Variants in PEX13 observed in about 807,000 individuals in gnomAD.
The protein encoded by PEX13 is peroxisome biogenesis factor 13.
A neutral mutation model predicts 34.5 loss-of-function variants in PEX13; 28 were observed. The observed-to-expected ratio is 0.81, with a 90% CI of 0.60 to 1.11. PEX13 has a LOEUF of 1.11. PEX13 is among the 50% of genes most tolerant of loss of function. The probability of loss-of-function intolerance (pLI) is 0.00; values close to 1 mark genes in which losing one functional copy is unlikely to be tolerated. For synonymous variants in PEX13, 177 were observed against 175.1 expected (o/e 1.01, Z -0.09); for missense variants, 550 against 491.0 (o/e 1.12, Z -1.13).
intron 1 of PEX13, among the ~76,000 whole-genome samples, chr2:61,030,053 G>A (rs1261057926): frequency 6.6e-6 from 1 of 152,098 alleles, no homozygotes; most frequent in Non-Finnish European, 1.5e-5. Flanking sequence ...GTATCTGAAG[G>A]AGATTTTGAA....
chr2:61,041,110 C>A (rs2104809770), intron 2 of PEX13, among the ~76,000 whole-genome samples: 1 of 152,218 alleles, frequency 6.6e-6, no homozygotes, highest in South Asian at 2.1e-4. Flanking sequence ...TGGCAAATCG[C>A]TTGAGCCCAG....
chr2:61,019,466 C>A (rs538136321), intron 1 of PEX13, among the ~76,000 whole-genome samples: 1 of 151,952 alleles, frequency 6.6e-6, no homozygotes, highest in South Asian at 2.1e-4. Flanking sequence ...ATTGTTTATG[C>A]TTTTTGTCTT....
intron 2 of PEX13, among the ~76,000 whole-genome samples, chr2:61,039,237 A>T (rs1391550475): frequency 6.6e-6 from 1 of 152,200 alleles, no homozygotes; most frequent in Admixed American, 6.5e-5. Context: ...AGAATTGGAA[A>T]AAACTACTTT....
chr2:61,044,766 A>G (rs1479677949), intron 2 of PEX13, among the ~76,000 whole-genome samples: 1 of 152,218 alleles, frequency 6.6e-6, no homozygotes, highest in Non-Finnish European at 1.5e-5. Flanking sequence ...TAAAGTTTTG[A>G]CAACACCTAA....
Position 61,025,236 on chromosome 2 carries a change from T to C in PEX13, c.93-6183T>C, listed in dbSNP as rs534182768. On this transcript the variant is annotated intron_variant, in intron 1 of 3. Coordinates refer to ENST00000295030, the MANE Select transcript of PEX13 (RefSeq NM_002618.4). Reference sequence around the variant, plus strand: ...GGCACCTGCCACTGCACCCAGCTAATTTTTTATAGTTTTTAATAGAGACGG... The same window carrying C: ...GGCACCTGCCACTGCACCCAGCTAACTTTTTATAGTTTTTAATAGAGACGG... Among the ~76,000 whole-genome samples, 86 of 152,026 alleles carry C rather than the reference T, an allele frequency of 5.7e-4. No individual in the cohort carries two copies. The South Asian group carries it at 6.0e-3, about 11-fold the overall frequency.
chr2:61,023,971 A>AT (rs1680310148), intron 1 of PEX13, among the ~76,000 whole-genome samples: 1 of 151,738 alleles, frequency 6.6e-6, no homozygotes, highest in African/African-American at 2.4e-5. Context: ...TAATTTTTGT[A>AT]TTTTTTGTAG....
intron 2 of PEX13, among the ~76,000 whole-genome samples, chr2:61,040,407 TA>T (rs1294985241): frequency 5.9e-5 from 9 of 151,898 alleles, no homozygotes; most frequent in South Asian, 2.1e-4. Context: ...TATGCAGCCA[TA>T]AAAAAAGATG....
chr2:61,033,479 A>C (rs1414308621), intron 2 of PEX13, among the ~76,000 whole-genome samples: 1 of 152,256 alleles, frequency 6.6e-6, no homozygotes. Flanking sequence ...TACATACCAA[A>C]GAATTCTCAG....
chr2:61,036,830 C>G (rs1195623301), intron 2 of PEX13, among the ~76,000 whole-genome samples: 3 of 152,122 alleles, frequency 2.0e-5, no homozygotes, highest in African/African-American at 7.2e-5. Flanking sequence ...AAGACACAGA[C>G]TGGCAAATTG....
chr2:61,031,095 G>A (rs991839940), intron 1 of PEX13, among the ~76,000 whole-genome samples: 1 of 152,144 alleles, frequency 6.6e-6, no homozygotes, highest in African/African-American at 2.4e-5. Context: ...TTTGAGACCA[G>A]CCTGGGAAAC....
Position 61,049,565 on chromosome 2 carries a change from G to GCA in PEX13, c.*795_*796insCA, listed in dbSNP as rs1381463951. 6.6e-6 allele frequency: 1 copy of GCA among 152,228 alleles called. No homozygotes were observed. The highest frequency in any genetic ancestry group is 1.5e-5 in the Non-Finnish European group (1 of 68,082). The allele number at this position is 152,228 out of a possible 1,614,324, so 9.4% of individuals were successfully genotyped here. A position where few individuals can be genotyped will look rare whatever the true frequency, so the allele number is the denominator to read the frequency against. ...GAGGCGGGCAGATCACCTGAGGTTG[G>GCA]GAGTTCAAGACCACCCTGACCAACA... is the stretch of plus-strand genomic sequence containing the variant. On this transcript the variant is annotated 3_prime_UTR_variant, in exon 4 of 4. Coordinates refer to ENST00000295030, the MANE Select transcript of PEX13 (RefSeq NM_002618.4).
chr2:61,022,228 C>A (rs1680276172), intron 1 of PEX13, among the ~76,000 whole-genome samples: 2 of 152,190 alleles, frequency 1.3e-5, no homozygotes, highest in African/African-American at 4.8e-5. Flanking sequence ...TAACAAACTT[C>A]TCCGAGCTAA....
chr2:61,041,413 G>A (rs1260170283), intron 2 of PEX13, among the ~76,000 whole-genome samples: 1 of 152,116 alleles, frequency 6.6e-6, no homozygotes, highest in Admixed American at 6.6e-5. Context: ...GACTAAGATG[G>A]AAATCAGGAA....
chr2:61,029,852 G>A (rs114611793), intron 1 of PEX13, among the ~76,000 whole-genome samples: 139 of 151,510 alleles, frequency 9.2e-4, no homozygotes, highest in African/African-American at 3.2e-3. Flanking sequence ...AACTGCATCT[G>A]TACTGAACAT....
chr2:61,030,187 A>G (rs1309755462), intron 1 of PEX13, among the ~76,000 whole-genome samples: 1 of 152,212 alleles, frequency 6.6e-6, no homozygotes, highest in Non-Finnish European at 1.5e-5. Context: ...GTATGAGTCC[A>G]TTTACCATAG....
chr2:61,040,829 G>T (rs1359967540), intron 2 of PEX13, among the ~76,000 whole-genome samples: 2 of 147,004 alleles, frequency 1.4e-5, no homozygotes, highest in East Asian at 2.0e-4. Flanking sequence ...TATAATATAT[G>T]TGTATATATA....
At chr2:61,020,051 G>A (rs934216603) in intron 1 of PEX13, among the ~76,000 whole-genome samples, 7 of 152,060 alleles carry the variant, frequency 4.6e-5, no homozygotes, top group Admixed American at 1.3e-4. Context: ...GAGAAACCCC[G>A]TCTCTACTAA....
intron 2 of PEX13, among the ~76,000 whole-genome samples, chr2:61,041,786 G>A (rs1285088040): frequency 6.6e-6 from 1 of 152,120 alleles, no homozygotes; most frequent in Non-Finnish European, 1.5e-5. Flanking sequence ...CTAAAAGAAA[G>A]GAGTCAGTAG....
Position 61,045,735 on chromosome 2 carries a change from A to G in PEX13, c.797A>G (p.Asn266Ser). 6.2e-7 allele frequency: 1 copy of G among 1,613,486 alleles called. No individual in the cohort carries two copies. The highest frequency in any genetic ancestry group is 8.5e-7 in the Non-Finnish European group (1 of 1,179,406). Residue 266 changes from asparagine to serine, a missense_variant, in exon 3 of 4, where the codon AAC becomes AGC. By Grantham distance (46) the Asn-to-Ser change is conservative. Coordinates refer to ENST00000295030, the MANE Select transcript of PEX13 (RefSeq NM_002618.4). ...THSDEVTDSI[N>S]WASGEDDHVV... ...TTAATTTGGCTTATAGACAGCATCA[A>G]CTGGGCAAGTGGTGAGGATGACCAT... is the stretch of plus-strand genomic sequence containing the variant.
Sources: gnomAD v4.1 joint callset for allele counts (sites outside exome capture counted in the v4.1 genomes callset) on GRCh38, gnomAD v4.1.1 for gene constraint, MANE v1.5 for transcripts, NCBI Gene and HGNC (gene_info 2026-07-23, HGNC 2026-07-21) for gene names.